Variants in USP32 observed in about 807,000 individuals in gnomAD.
USP32 encodes the protein ubiquitin specific peptidase 32.
In USP32, 59 loss-of-function variants were observed where a neutral mutation model predicts 204.8. That is an observed-to-expected ratio of 0.29 (90% CI 0.23 to 0.36). The LOEUF is 0.36. USP32 is among the 10% of genes least tolerant of loss of function. USP32 has a pLI of 1.00. For synonymous variants in USP32, 517 were observed against 678.4 expected (o/e 0.76, Z 3.70); for missense variants, 1,160 against 1,946.4 (o/e 0.60, Z 7.60).
chr17:60,272,330 A>G (rs186346423), intron 5 of USP32, among the ~76,000 whole-genome samples: 1 of 152,362 alleles, frequency 6.6e-6, no homozygotes, highest in African/African-American at 2.4e-5. Context: ...TAGCAATAGC[A>G]AAGCCATGAA....
At chr17:60,407,211 C>G (rs926670812) in intron 1 of USP32, among the ~76,000 whole-genome samples, 1 of 152,024 alleles carries the variant, frequency 6.6e-6, no homozygotes, top group African/African-American at 2.4e-5. Context: ...TGCAAAATTC[C>G]AAAAAGGAAG....
chr17:60,378,615 A>G (rs1373008742), intron 1 of USP32, among the ~76,000 whole-genome samples: 1 of 152,190 alleles, frequency 6.6e-6, no homozygotes, highest in East Asian at 1.9e-4. Context: ...TCAAAAAAAG[A>G]AATTAAATTC....
chr17:60,264,857 CAAAAAAAAAAAA>C (rs34027846), intron 9 of USP32, among the ~76,000 whole-genome samples: 7 of 43,518 alleles, frequency 1.6e-4, no homozygotes, highest in Non-Finnish European at 3.2e-4. Context: ...AAGACTCTGT[CAAAAAAAAAAAA>C]AAAAAAAAAA....
chr17:60,196,014 G>A (rs2084505333), intron 27 of USP32, among the ~76,000 whole-genome samples: 1 of 152,204 alleles, frequency 6.6e-6, no homozygotes, highest in African/African-American at 2.4e-5. Flanking sequence ...GCTCACGCCT[G>A]TAATCCCACC....
intron 2 of USP32, among the ~76,000 whole-genome samples, chr17:60,311,249 A>C (rs1020844566): frequency 7.2e-5 from 11 of 152,168 alleles, no homozygotes; most frequent in Non-Finnish European, 1.0e-4. Context: ...TGTACCCCCC[A>C]AAAAATGTAT....
At chr17:60,382,914 T>A (rs927461751) in intron 1 of USP32, among the ~76,000 whole-genome samples, 1 of 152,134 alleles carries the variant, frequency 6.6e-6, no homozygotes, top group Admixed American at 6.6e-5. Context: ...CAAAACTACA[T>A]ACTATATTTA....
intron 4 of USP32, among the ~76,000 whole-genome samples, chr17:60,293,332 G>A (rs936517650): frequency 2.0e-5 from 3 of 152,108 alleles, no homozygotes; most frequent in Non-Finnish European, 4.4e-5. Context: ...AAAGAAAAGA[G>A]TATTAATGTT....
At chr17:60,404,136 C>T (rs140836005) in intron 1 of USP32, among the ~76,000 whole-genome samples, 15 of 151,870 alleles carry the variant, frequency 9.9e-5, no homozygotes, top group Admixed American at 9.2e-4. Context: ...TGAGCTTGGG[C>T]GGAACTGTAT....
intron 13 of USP32, 87 bp downstream of exon 13, chr17:60,225,952 C>CA (rs11309727): frequency 0.012 from 11,665 of 1,004,804 alleles, 165 homozygotes; most frequent in African/African-American, 0.092. Context: ...AACTCAGTCT[C>CA]AAAAAAAAAA....
At chr17:60,242,795 AT>A (rs576471834) in intron 11 of USP32, among the ~76,000 whole-genome samples, 74 of 152,114 alleles carry the variant, frequency 4.9e-4, no homozygotes, top group Non-Finnish European at 8.7e-4. Context: ...CCTTAGGTAA[AT>A]TGTGAAATCA....
intron 22 of USP32, among the ~76,000 whole-genome samples, chr17:60,209,107 T>C (rs569701384): frequency 4.3e-4 from 65 of 152,326 alleles, no homozygotes; most frequent in African/African-American, 1.3e-3. Context: ...ACGGGGACTC[T>C]TTAAATTCCA....
chr17:60,255,925 C>T (rs950572678), intron 9 of USP32, among the ~76,000 whole-genome samples: 2 of 152,146 alleles, frequency 1.3e-5, no homozygotes, highest in Non-Finnish European at 2.9e-5. Flanking sequence ...GCAGTCTGCA[C>T]TAATAACAAG....
Position 60,323,429 on chromosome 17 carries a change from G to T in USP32, c.187-21725C>A, listed in dbSNP as rs138883562. Among the ~76,000 whole-genome samples the T allele has an allele frequency of 1.7e-3, 257 of 152,260 alleles. 1 individual carries two copies. Among genetic ancestry groups the T allele is most frequent in the African/African-American group, 5.5e-3 (227 of 41,542 alleles). ...ATAGTGAAATCTATATAGACAGAAA[G>T]TAGATTAGTATATTAGTTGGCCAAA... On this transcript the variant is annotated intron_variant, in intron 2 of 33. Transcript: ENST00000300896.
chr17:60,374,834 T>C (rs2089509383), intron 1 of USP32, among the ~76,000 whole-genome samples: 1 of 152,236 alleles, frequency 6.6e-6, no homozygotes, highest in Admixed American at 6.5e-5. Context: ...TCTTATGGGA[T>C]CACAGTTGTG....
At position 60,345,532 on chromosome 17, in the gene USP32, G is replaced by A; in HGVS notation, c.135C>T (p.His45=). 1 of 1,614,228 alleles carries A rather than the reference G, an allele frequency of 6.2e-7. No individual in the cohort carries two copies. Among genetic ancestry groups the A allele is most frequent in the Non-Finnish European group, 8.5e-7 (1 of 1,180,032 alleles). ...TCGLSYYMGQ[H]CFIREVLGDG... ...CCCCAAGCACTTCCCGGATGAAGCA[G>A]TGCTGGCCCATGTAATATGAGAGTC... Residue 45 remains histidine (H), a synonymous_variant, in exon 2 of 34, where the codon CAC becomes CAT. Coordinates refer to ENST00000300896, the MANE Select transcript of USP32 (RefSeq NM_032582.4).
In USP32 at chr17:60,345,464, T is replaced by C; in HGVS notation, c.186+17A>G. On this transcript the variant is annotated intron_variant, in intron 2 of 33. Transcript: ENST00000300896. ...TGGATAACTACCTCAAAGGAAAACT[T>C]AGAACAAAAAGATTACCTCAGCAAC... is the stretch of plus-strand genomic sequence containing the variant. The C allele has an allele frequency of 2.5e-6, 4 of 1,612,388 alleles. No homozygotes were observed. The highest frequency in any genetic ancestry group is 4.5e-5 in the East Asian group (2 of 44,848).
upstream of USP32, among the ~76,000 whole-genome samples, chr17:60,393,080 T>C (rs1027775101): frequency 3.9e-5 from 6 of 152,190 alleles, no homozygotes; most frequent in African/African-American, 1.4e-4. Flanking sequence ...CCGTTTTTCA[T>C]CTTGCAAAAG....
At position 60,214,753 on chromosome 17, in the gene USP32, G is replaced by C. The variant is rs1442339610; in HGVS notation, c.1889C>G (p.Ala630Gly). Residue 630 changes from alanine (A) to glycine (G), a missense_variant, in exon 17 of 34, where the codon GCA (alanine) becomes GGA (glycine). This residue lies in a region of USP32 where 132 missense variants were observed against 432.8 expected (regional missense o/e 0.30). Transcript: ENST00000300896. ...VNMGNVPSPN[A>G]PLKRVLAYTG... Reference sequence around the variant, plus strand: ...ATAGGCTAATACCCGCTTTAAAGGTGCATTCGGAGAAGGTACATTTCCTAT... The same window carrying C: ...ATAGGCTAATACCCGCTTTAAAGGTCCATTCGGAGAAGGTACATTTCCTAT... 1 of 1,613,786 alleles carries C rather than the reference G, an allele frequency of 6.2e-7. No homozygotes were observed. Among genetic ancestry groups the C allele is most frequent in the African/African-American group, 1.3e-5 (1 of 74,908 alleles).
chr17:60,379,165 T>C (rs1429987135), intron 1 of USP32, among the ~76,000 whole-genome samples: 2 of 152,166 alleles, frequency 1.3e-5, no homozygotes, highest in Non-Finnish European at 2.9e-5. Flanking sequence ...TTCTCAAAGA[T>C]ATGAGAAAAG....
Sources: gnomAD v4.1 joint callset for allele counts (sites outside exome capture counted in the v4.1 genomes callset) on GRCh38, gnomAD v4.1.1 for gene constraint, gnomAD v4.1.1 regional missense constraint, MANE v1.5 for transcripts, NCBI Gene and HGNC (gene_info 2026-07-23, HGNC 2026-07-21) for gene names.